KCNQ1: variants seen among roughly 807,000 people sequenced by gnomAD.
KCNQ1 encodes potassium voltage-gated channel subfamily Q member 1.
Under a neutral mutation model 72.4 loss-of-function variants are expected in KCNQ1, and 49 were observed. The observed-to-expected ratio is 0.68, with a 90% CI of 0.54 to 0.86. The LOEUF is 0.86. Ranked by LOEUF, KCNQ1 falls within the 40% of genes least tolerant of loss-of-function variation. The pLI is 0.00. For synonymous variants in KCNQ1, 450 were observed against 412.6 expected, an observed-to-expected ratio of 1.09 and a Z score of -1.10; for missense variants, 790 against 945.1, an observed-to-expected ratio of 0.84 and a Z score of 2.15.
At position 2,695,763 on chromosome 11, in the gene KCNQ1, G is replaced by A. The variant is rs1364065156; in HGVS notation, c.1514+33682G>A. The A allele has an allele frequency of 2.5e-6, 1 of 398,592 alleles. No homozygotes were observed. The highest frequency in any genetic ancestry group is 2.1e-5 in the African/African-American group (1 of 48,724). The allele number at this position is 398,592 out of a possible 1,614,324, so 24.7% of individuals were successfully genotyped here. The stretch of plus-strand genomic sequence containing the variant: ...TGTTCCTTGCCTTCTGCCAACACTT[G>A]GCCTTATCCTACTTTCTAATGCTTC... On this transcript the variant is annotated intron_variant, in intron 11 of 15. Coordinates refer to ENST00000155840, the MANE Select transcript of KCNQ1 (RefSeq NM_000218.3). The surrounding 1 kb of genome is among the most constrained non-coding windows in gnomAD (Gnocchi z 5.2).
chr11:2,728,423 C>G (rs1012251826), intron 11 of KCNQ1, among the ~76,000 whole-genome samples: 2 of 152,228 alleles, frequency 1.3e-5, no homozygotes, highest in African/African-American at 4.8e-5. Flanking sequence ...ACCTACCGAG[C>G]GTTTGACTCT....
chr11:2,632,888 A>G, intron 10 of KCNQ1: 1 of 398,474 alleles, frequency 2.5e-6, no homozygotes, highest in Non-Finnish European at 4.4e-6. Flanking sequence ...ATGAGAATGC[A>G]AATATCTTTT....
At chr11:2,779,966 C>T (rs1214233744) in intron 15 of KCNQ1, among the ~76,000 whole-genome samples, 1 of 152,250 alleles carries the variant, frequency 6.6e-6, no homozygotes, top group African/African-American at 2.4e-5. Flanking sequence ...GGGGCCACAT[C>T]CTGGTGCCCT....
At position 2,724,384 on chromosome 11, in the gene KCNQ1, C is replaced by A. The variant is rs1052061988; in HGVS notation, c.1515-44460C>A. 1.3e-5 allele frequency among the ~76,000 whole-genome samples: 2 copies of A among 152,316 alleles called. No homozygotes were observed. The highest frequency in any genetic ancestry group is 4.1e-4 in the South Asian group (2 of 4,826). The stretch of plus-strand genomic sequence containing the variant: ...TGGGTTTCTGCACAGTGGAATGGAG[C>A]TGGCAGCCAGGGTCCCTGTCCCGCC... On this transcript the variant is annotated intron_variant, in intron 11 of 15. Coordinates refer to ENST00000155840, the MANE Select transcript of KCNQ1 (RefSeq NM_000218.3). The surrounding 1 kb of genome is among the most constrained non-coding windows in gnomAD (Gnocchi z 6.8).
Position 2,567,461 on chromosome 11 carries a change from A to C in KCNQ1, c.478-3167A>C, listed in dbSNP as rs1170131021. On this transcript the variant is annotated intron_variant, in intron 2 of 15. Coordinates refer to ENST00000155840, the MANE Select transcript of KCNQ1 (RefSeq NM_000218.3). The surrounding 1 kb of genome is among the most constrained non-coding windows in gnomAD (Gnocchi z 6.6). ...CAGCCCTCCTCCCTGTCCCCAGCTG[A>C]GTGTGAGCTCCCTGGGGTCTTGCTG... Among the ~76,000 whole-genome samples the C allele has an allele frequency of 6.6e-6, 1 of 151,982 alleles. No individual in the cohort carries two copies. The highest frequency in any genetic ancestry group is 2.1e-4 in the South Asian group (1 of 4,822).
chr11:2,791,225 G>A (rs537168751), intron 15 of KCNQ1, among the ~76,000 whole-genome samples: 46 of 152,346 alleles, frequency 3.0e-4, no homozygotes, highest in African/African-American at 1.1e-3. Context: ...GACGGTGGCC[G>A]GAGCCCGCAG....
At chr11:2,699,652 C>CGAAGAACCCCCGGGGAGAACCGCGCA (rs1564862587) in intron 11 of KCNQ1, 2 of 357,294 alleles carry the variant, frequency 5.6e-6, no homozygotes, top group African/African-American at 2.1e-5. Context: ...ACAACCGCGC[C>CGAAGAACCCCCGGGGAGAACCGCGCA]GAAGAACCCC....
At position 2,663,527 on chromosome 11, in the gene KCNQ1, C is replaced by A. The variant is rs2133858486; in HGVS notation, c.1514+1446C>A. ...GCCTGTATTGCCTCTTGGCTGTCCC[C>A]TCAGAGAGGGGACTGTCCCTTCTCA... On this transcript the variant is annotated intron_variant, in intron 11 of 15. Coordinates refer to ENST00000155840, the MANE Select transcript of KCNQ1 (RefSeq NM_000218.3). The surrounding 1 kb of genome is among the most constrained non-coding windows in gnomAD (Gnocchi z 5.2). 2.5e-6 allele frequency: 1 copy of A among 398,622 alleles called. No homozygotes were observed. Among genetic ancestry groups the A allele is most frequent in the Non-Finnish European group, 4.4e-6 (1 of 226,082 alleles). 24.7% of individuals were successfully genotyped at this position (398,622 alleles called of 1,614,324 possible).
At chr11:2,583,406 G>A (rs767771284) in intron 6 of KCNQ1, 29 bp from the exon 7 acceptor site, 25 of 1,525,744 alleles carry the variant, frequency 1.6e-5, no homozygotes, top group East Asian at 2.2e-5. Flanking sequence ...AGTCCCATCC[G>A]TGGCTGACCA....
intron 2 of KCNQ1, among the ~76,000 whole-genome samples, chr11:2,568,295 A>G (rs962153610): frequency 1.3e-5 from 2 of 151,750 alleles, no homozygotes; most frequent in African/African-American, 4.8e-5. Flanking sequence ...ATAAATAAAT[A>G]AATAAATAAA....
In KCNQ1 at chr11:2,653,958, T is replaced by C; in HGVS notation, c.1394-8003T>C. On this transcript the variant is annotated intron_variant, in intron 10 of 15. Coordinates refer to ENST00000155840, the MANE Select transcript of KCNQ1 (RefSeq NM_000218.3). This position sits in a 1 kb window ranked among gnomAD's most constrained non-coding sequence, Gnocchi z 5.3. ...TGCTGGCAGGCAAAAACAACAGGTG[T>C]CCACTCAAGCAAGGTATTTTCCTAA... The C allele has an allele frequency of 7.5e-6, 3 of 398,614 alleles. No individual in the cohort carries two copies. Among genetic ancestry groups the C allele is most frequent in the Non-Finnish European group, 1.3e-5 (3 of 226,060 alleles). 24.7% of individuals were successfully genotyped at this position (398,614 alleles called of 1,614,324 possible).
rs770241676 is a variant in KCNQ1, at chr11:2,827,251, A to C, written c.1795-20516A>C. ...CTGGGGACAGCCCAAATAAGAGAGAACTTTGCCACCCGCAGGGTCCCAGAG... is the reference window on the plus strand; with the variant it reads ...CTGGGGACAGCCCAAATAAGAGAGACCTTTGCCACCCGCAGGGTCCCAGAG... On this transcript the variant is annotated intron_variant, in intron 15 of 15. Coordinates refer to ENST00000155840, the MANE Select transcript of KCNQ1 (RefSeq NM_000218.3). This position sits in a 1 kb window ranked among gnomAD's most constrained non-coding sequence, Gnocchi z 6.7. Among the ~76,000 whole-genome samples the C allele has an allele frequency of 2.6e-5, 4 of 151,822 alleles. No homozygotes were observed. The highest frequency in any genetic ancestry group is 5.9e-5 in the Non-Finnish European group (4 of 67,910).
chr11:2,572,396 A>G (rs545669170), intron 5 of KCNQ1, among the ~76,000 whole-genome samples: 25 of 152,304 alleles, frequency 1.6e-4, no homozygotes, highest in African/African-American at 6.0e-4. Context: ...TCAGAAATGA[A>G]AAACCCAGGC....
intron 12 of KCNQ1, among the ~76,000 whole-genome samples, chr11:2,773,132 T>G (rs1036069923): frequency 1.3e-5 from 2 of 151,536 alleles, no homozygotes; most frequent in African/African-American, 4.9e-5. Flanking sequence ...GAAGAGAGCG[T>G]AGAATCTCCA....
intron 1 of KCNQ1, among the ~76,000 whole-genome samples, chr11:2,456,763 T>G (rs1162287583): frequency 1.8e-5 from 1 of 54,652 alleles, no homozygotes; most frequent in African/African-American, 5.7e-5. Flanking sequence ...CTACTAAAAA[T>G]CCAAAAAAAA....
chr11:2,802,632 G>C (rs17744869), intron 15 of KCNQ1, among the ~76,000 whole-genome samples: 34,784 of 152,206 alleles, frequency 0.23, 5,289 homozygotes, highest in Non-Finnish European at 0.34. Context: ...CCAAGGCTTA[G>C]TGGCAAGAGG....
chr11:2,629,693 T>C (rs1243985900), intron 10 of KCNQ1: 4 of 398,412 alleles, frequency 1.0e-5, no homozygotes, highest in African/African-American at 8.2e-5. Flanking sequence ...CTATTTTAAA[T>C]GAAATTGTTT....
chr11:2,565,982 C>A lies in KCNQ1; in HGVS notation c.478-4646C>A, dbSNP rs972425137. Among the ~76,000 whole-genome samples, 7 of 152,110 alleles carry A rather than the reference C, an allele frequency of 4.6e-5. No individual in the cohort carries two copies. The highest frequency in any genetic ancestry group is 4.6e-4 in the Admixed American group (7 of 15,270). ...CTCCCTCCAGGCCAGACCCAGCTCTCCAGCTTCCCGGCTGCCCACTAGATG... is the reference window on the plus strand; with the variant it reads ...CTCCCTCCAGGCCAGACCCAGCTCTACAGCTTCCCGGCTGCCCACTAGATG... On this transcript the variant is annotated intron_variant, in intron 2 of 15. Transcript: ENST00000155840. The surrounding 1 kb of genome is among the most constrained non-coding windows in gnomAD (Gnocchi z 5.6).
intron 1 of KCNQ1, among the ~76,000 whole-genome samples, chr11:2,496,330 G>C (rs545388188): frequency 6.6e-6 from 1 of 151,746 alleles, no homozygotes; most frequent in East Asian, 1.9e-4. Flanking sequence ...CCAGCTACTC[G>C]GCAGGCTGAG....
Sources: gnomAD v4.1 joint callset for allele counts (sites outside exome capture counted in the v4.1 genomes callset) on GRCh38, gnomAD v4.1.1 for gene constraint, Gnocchi (gnomAD v3.1) non-coding constraint, MANE v1.5 for transcripts, NCBI Gene and HGNC (gene_info 2026-07-23, HGNC 2026-07-21) for gene names.